RAB2A: variants seen among roughly 807,000 people sequenced by gnomAD.
The protein encoded by RAB2A is ras-related protein Rab-2A.
In RAB2A, 7 loss-of-function variants were observed where a neutral mutation model predicts 32.5. The observed-to-expected ratio is 0.22, with a 90% confidence interval of 0.12 to 0.40. The LOEUF (loss-of-function observed/expected upper bound fraction) is 0.40. RAB2A is among the 10% of genes least tolerant of loss of function. The pLI is 1.00. For missense variants in RAB2A, 108 were observed against 260.7 expected (o/e 0.41, Z 4.03); for synonymous variants, 79 against 85.2 (o/e 0.93, Z 0.40).
chr8:60,529,328 G>A (rs192324493), intron 1 of RAB2A, among the ~76,000 whole-genome samples: 53 of 152,250 alleles, frequency 3.5e-4, no homozygotes, highest in Non-Finnish European at 6.3e-4. Flanking sequence ...TGATATTAGC[G>A]TGGATTATAT....
intron 5 of RAB2A, chr8:60,591,617 A>T: frequency 3.2e-6 from 1 of 314,540 alleles, no homozygotes; most frequent in Non-Finnish European, 6.0e-6. Context: ...AGTTACGGCT[A>T]GTTCTAACGT....
At position 60,584,790 on chromosome 8, in the gene RAB2A, G is replaced by T. The variant is rs760414199; in HGVS notation, c.337G>T (p.Val113Phe). ...CCGCCAGCATTCCAATTCCAACATG[G>T]TCATTATGCTTATTGGAAATAAAAG... ...DARQHSNSNM[V>F]IMLIGNKSDL... Residue 113 changes from valine (V) to phenylalanine (F), a missense_variant, in exon 5 of 8, where the codon GTC becomes TTC. Transcript: ENST00000262646. 1 of 1,613,292 alleles carries T rather than the reference G, an allele frequency of 6.2e-7. No homozygotes were observed. The highest frequency in any genetic ancestry group is 8.5e-7 in the Non-Finnish European group (1 of 1,179,528).
chr8:60,548,110 T>G (rs1418851226), intron 1 of RAB2A, among the ~76,000 whole-genome samples: 2 of 4,374 alleles, frequency 4.6e-4, no homozygotes, highest in South Asian at 0.014. Flanking sequence ...ACTTCCCGGA[T>G]GGGGCGGCTG....
intron 1 of RAB2A, among the ~76,000 whole-genome samples, chr8:60,550,981 C>T (rs1418675152): frequency 6.6e-6 from 1 of 152,136 alleles, no homozygotes; most frequent in East Asian, 1.9e-4. Context: ...TTAACTGTTT[C>T]CTTGGTGTGG....
intron 1 of RAB2A, among the ~76,000 whole-genome samples, chr8:60,533,540 G>A (rs1807509022): frequency 6.6e-6 from 1 of 152,200 alleles, no homozygotes; most frequent in South Asian, 2.1e-4. Context: ...TTCATAAAAT[G>A]GAAAGAGCTT....
rs572998914 is a variant in RAB2A, at chr8:60,622,384, A to G, written c.*1615A>G. On this transcript the variant is annotated 3_prime_UTR_variant, in exon 8 of 8. Coordinates refer to ENST00000262646, the MANE Select transcript of RAB2A (RefSeq NM_002865.3). Reference sequence around the variant, plus strand: ...TTGTGGGAAATCACCAAATGCTGTCATAGTTTTGTTTTAACTGTCTCCTTG... The same window carrying G: ...TTGTGGGAAATCACCAAATGCTGTCGTAGTTTTGTTTTAACTGTCTCCTTG... 1 of 152,238 alleles carries G rather than the reference A, an allele frequency of 6.6e-6. No individual in the cohort carries two copies. Among genetic ancestry groups the G allele is most frequent in the Non-Finnish European group, 1.5e-5 (1 of 68,030 alleles). The allele number at this position is 152,238 out of a possible 1,614,324, so 9.4% of individuals were successfully genotyped here.
At chr8:60,552,315 T>G (rs902955305) in intron 1 of RAB2A, 9 of 152,034 alleles carry the variant, frequency 5.9e-5, no homozygotes, top group African/African-American at 2.2e-4. Context: ...TTTTAAATTT[T>G]TTTATACCTA....
chr8:60,577,884 C>T (rs1448868001), intron 3 of RAB2A, among the ~76,000 whole-genome samples: 3 of 147,316 alleles, frequency 2.0e-5, no homozygotes, highest in Admixed American at 1.4e-4. Context: ...CCTCGTGATC[C>T]ACCCGCCTCA....
At chr8:60,520,487 C>T (rs1807284567) in intron 1 of RAB2A, among the ~76,000 whole-genome samples, 1 of 152,224 alleles carries the variant, frequency 6.6e-6, no homozygotes, top group African/African-American at 2.4e-5. Context: ...ATCACTAACC[C>T]TCCCTGCTGC....
At chr8:60,578,959 G>GT (rs1382609528) in intron 3 of RAB2A, among the ~76,000 whole-genome samples, 4 of 152,332 alleles carry the variant, frequency 2.6e-5, no homozygotes, top group Admixed American at 1.3e-4. Flanking sequence ...AAATGAGCAT[G>GT]TTTTTATCTC....
chr8:60,561,882 T>C (rs1808030895), intron 2 of RAB2A, among the ~76,000 whole-genome samples: 1 of 152,182 alleles, frequency 6.6e-6, no homozygotes, highest in African/African-American at 2.4e-5. Context: ...CATCATGTCC[T>C]TATCTTTTGT....
intron 6 of RAB2A, among the ~76,000 whole-genome samples, chr8:60,596,530 C>A (rs1477046694): frequency 6.6e-6 from 1 of 152,198 alleles, no homozygotes; most frequent in East Asian, 1.9e-4. Flanking sequence ...ATGCGGCCAA[C>A]AAACATATGA....
At chr8:60,548,641 G>A (rs113341405) in intron 1 of RAB2A, among the ~76,000 whole-genome samples, 13,728 of 138,924 alleles carry the variant, frequency 0.099, 796 homozygotes, top group East Asian at 0.21. Flanking sequence ...CGAGCGGGGG[G>A]CTGACCCCCC....
intron 1 of RAB2A, among the ~76,000 whole-genome samples, chr8:60,557,519 A>AAAAC (rs898241804): frequency 6.6e-6 from 1 of 152,178 alleles, no homozygotes; most frequent in Admixed American, 6.5e-5. Context: ...TCATCTCAAA[A>AAAAC]AAACAAACAA....
chr8:60,563,866 A>G (rs947501451), intron 2 of RAB2A, among the ~76,000 whole-genome samples: 1 of 152,078 alleles, frequency 6.6e-6, no homozygotes, highest in Non-Finnish European at 1.5e-5. Context: ...CTGTGCCCTT[A>G]TAATCATTCC....
intron 6 of RAB2A, among the ~76,000 whole-genome samples, chr8:60,613,327 C>T (rs895603522): frequency 1.3e-5 from 2 of 152,180 alleles, no homozygotes; most frequent in African/African-American, 4.8e-5. Flanking sequence ...ACAGCTGACA[C>T]ACCTATTGGG....
intron 2 of RAB2A, among the ~76,000 whole-genome samples, chr8:60,560,159 A>C (rs966390247): frequency 1.3e-5 from 2 of 152,162 alleles, no homozygotes; most frequent in Non-Finnish European, 2.9e-5. Flanking sequence ...GTGCAATCAC[A>C]GCTCACTGCA....
At chr8:60,548,414 G>A (rs865847202) in intron 1 of RAB2A, among the ~76,000 whole-genome samples, 64 of 53,708 alleles carry the variant, frequency 1.2e-3, no homozygotes, top group African/African-American at 9.8e-3. Flanking sequence ...CCTCCCGGAC[G>A]GGGCGGCTGG....
At chr8:60,581,190 A>G (rs1054338696) in intron 3 of RAB2A, among the ~76,000 whole-genome samples, 7 of 152,336 alleles carry the variant, frequency 4.6e-5, no homozygotes, top group Admixed American at 2.0e-4. Context: ...GAGCTTTCAC[A>G]TGACACTCAG....
Sources: gnomAD v4.1 joint callset for allele counts (sites outside exome capture counted in the v4.1 genomes callset) on GRCh38, gnomAD v4.1.1 for gene constraint, MANE v1.5 for transcripts, NCBI Gene and HGNC (gene_info 2026-07-23, HGNC 2026-07-21) for gene names.